The following IFT25 variants were observed in gnomAD, a reference collection of about 807,000 sequenced individuals.
The protein encoded by IFT25 is intraflagellar transport 25.
the IFT25 span, among the ~76,000 whole-genome samples, chr1:53,938,586 C>G: frequency 6.6e-6 from 1 of 152,192 alleles, no homozygotes; most frequent in Non-Finnish European, 1.5e-5. Context: ...ACAACCAGTT[C>G]TGCCTTCAAT....
the IFT25 span, among the ~76,000 whole-genome samples, chr1:53,933,366 C>T: frequency 6.6e-6 from 1 of 151,718 alleles, no homozygotes; most frequent in South Asian, 2.1e-4. Context: ...GATCTCCTGA[C>T]CTCGTGATCC....
chr1:53,940,601 T>G, the IFT25 span, among the ~76,000 whole-genome samples: 1 of 152,206 alleles, frequency 6.6e-6, no homozygotes, highest in Admixed American at 6.5e-5. Flanking sequence ...ACATTCTAAA[T>G]ATAAAGATAC....
the IFT25 span, among the ~76,000 whole-genome samples, chr1:53,932,752 G>A: frequency 6.6e-6 from 1 of 152,080 alleles, no homozygotes. Context: ...TTTTCGTAGA[G>A]ATGGGGTTTT....
At chr1:53,914,891 C>T in the IFT25 span, among the ~76,000 whole-genome samples, 1 of 152,180 alleles carries the variant, frequency 6.6e-6, no homozygotes, top group Non-Finnish European at 1.5e-5. Context: ...GAGTGATAAA[C>T]ACAATTTTCA....
the IFT25 span, among the ~76,000 whole-genome samples, chr1:53,931,802 A>T: frequency 1.3e-5 from 2 of 152,132 alleles, no homozygotes; most frequent in Non-Finnish European, 2.9e-5. Context: ...AATCAACTTT[A>T]GGCTTTATTA....
chr1:53,930,403 C>G, the IFT25 span, among the ~76,000 whole-genome samples: 1 of 152,110 alleles, frequency 6.6e-6, no homozygotes, highest in Non-Finnish European at 1.5e-5. Context: ...GCCTATAATT[C>G]TAAACTCCTT....
chr1:53,937,492 C>T, the IFT25 span, among the ~76,000 whole-genome samples: 7 of 152,074 alleles, frequency 4.6e-5, no homozygotes, highest in Admixed American at 3.3e-4. Flanking sequence ...TAAAAGTCCC[C>T]GATGTATTCT....
the IFT25 span, chr1:53,939,603 A>G: frequency 1.4e-5 from 3 of 211,076 alleles, no homozygotes; most frequent in African/African-American, 7.2e-5. Flanking sequence ...TATCACTTAG[A>G]CCAGTAAGGA....
chr1:53,923,885 A>G, the IFT25 span: 2 of 1,459,392 alleles, frequency 1.4e-6, no homozygotes, highest in Admixed American at 3.4e-5. Flanking sequence ...TTTTAATTCT[A>G]TAAAGTATAT....
At chr1:53,924,716 AGTCCCAGCTACTCG>A in the IFT25 span, among the ~76,000 whole-genome samples, 1 of 152,188 alleles carries the variant, frequency 6.6e-6, no homozygotes, top group Non-Finnish European at 1.5e-5. Context: ...AGGCGTCAGT[AGTCCCAGCTACTCG>A]GGAGGCTGAG....
the IFT25 span, among the ~76,000 whole-genome samples, chr1:53,940,276 A>G: frequency 2.0e-5 from 3 of 152,222 alleles, no homozygotes; most frequent in African/African-American, 4.8e-5. Context: ...GGGATAATCT[A>G]TAAGACATGA....
the IFT25 span, among the ~76,000 whole-genome samples, chr1:53,927,209 C>T: frequency 6.6e-6 from 1 of 152,194 alleles, no homozygotes; most frequent in African/African-American, 2.4e-5. Context: ...AACTGTGCAT[C>T]ATTTGAAAAC....
chr1:53,930,235 A>G, the IFT25 span: 1 of 1,212,198 alleles, frequency 8.2e-7, no homozygotes, highest in African/African-American at 1.6e-5. Context: ...TTAAAATTAA[A>G]TGACTACTGG....
the IFT25 span, among the ~76,000 whole-genome samples, chr1:53,942,402 T>C: frequency 6.6e-6 from 1 of 152,208 alleles, no homozygotes; most frequent in African/African-American, 2.4e-5. Context: ...AAAAATTACA[T>C]GAAACTCAGA....
chr1:53,934,057 A>G, the IFT25 span, among the ~76,000 whole-genome samples: 1 of 152,142 alleles, frequency 6.6e-6, no homozygotes, highest in Non-Finnish European at 1.5e-5. Context: ...TTAAAAGAGG[A>G]AAAAAAGGCA....
At chr1:53,941,945 T>G in the IFT25 span, among the ~76,000 whole-genome samples, 2 of 152,224 alleles carry the variant, frequency 1.3e-5, no homozygotes, top group African/African-American at 4.8e-5. Flanking sequence ...TGATAGCTAG[T>G]ACTCTAGGTA....
chr1:53,918,711 A>T, the IFT25 span, among the ~76,000 whole-genome samples: 1 of 152,198 alleles, frequency 6.6e-6, no homozygotes, highest in Non-Finnish European at 1.5e-5. Flanking sequence ...GATTAAATTC[A>T]GGTTCAGTAA....
the IFT25 span, among the ~76,000 whole-genome samples, chr1:53,943,243 A>C: frequency 1.3e-5 from 2 of 152,360 alleles, no homozygotes; most frequent in Admixed American, 1.3e-4. Context: ...CTATGGAAGA[A>C]GGCAAAGAAA....
At chr1:53,913,350 C>T in the IFT25 span, among the ~76,000 whole-genome samples, 3 of 152,148 alleles carry the variant, frequency 2.0e-5, no homozygotes, top group Non-Finnish European at 4.4e-5. Flanking sequence ...CTCCTGAGAG[C>T]GCTCCCTCAA....
Sources: gnomAD v4.1 joint callset for allele counts (sites outside exome capture counted in the v4.1 genomes callset) on GRCh38, gnomAD v4.1.1 for gene constraint, MANE v1.5 for transcripts, NCBI Gene and HGNC (gene_info 2026-07-23, HGNC 2026-07-21) for gene names.